KALRN: variants seen among roughly 807,000 people sequenced by gnomAD.
KALRN encodes the protein kalirin RhoGEF kinase, also known as kalirin.
KALRN carries 70 observed loss-of-function variants against 353.7 expected under a neutral mutation model. That is an observed-to-expected ratio of 0.20 (90% CI 0.16 to 0.24). The LOEUF is 0.24. KALRN is among the 10% of genes least tolerant of loss of function. KALRN has a pLI of 1.00. For missense variants in KALRN, 2,791 were observed against 3,756.7 expected (o/e 0.74, Z 6.72); for synonymous variants, 1,391 against 1,434.8 (o/e 0.97, Z 0.69).
chr3:124,468,350 G>C (rs4678117), intron 25 of KALRN, among the ~76,000 whole-genome samples: 11 of 151,812 alleles, frequency 7.2e-5, no homozygotes, highest in Admixed American at 2.0e-4. Flanking sequence ...ACAAGGGGGG[G>C]GTTGATCCAT....
intron 45 of KALRN, among the ~76,000 whole-genome samples, chr3:124,666,247 G>A (rs140022839): frequency 2.3e-4 from 35 of 152,304 alleles, no homozygotes; most frequent in Non-Finnish European, 3.4e-4. Context: ...TCCCTCCAGG[G>A]CCCTTGTGTG....
At position 124,446,770 on chromosome 3, in the gene KALRN, A is replaced by C; in HGVS notation, c.3437A>C (p.Asp1146Ala). The change falls in exon 21 of 60, where the codon GAC (aspartate) becomes GCC (alanine). Residue 1146 changes from aspartate to alanine, a missense_variant. By Grantham distance (126) the Asp-to-Ala change is moderately radical (BLOSUM62 -2). Around this residue, in one of 11 missense-constraint regions of KALRN, gnomAD observed 268 missense variants for 347.0 expected, o/e 0.77. Transcript: ENST00000682506. ...AGTTGTTTCCTCCCATAGGCGCTTG[A>C]CTGGATCCAAGAAACAGGTGAATTT... ...VFERSAKQALDWIQETGEFYL... is the reference protein window; with the variant it reads ...VFERSAKQALAWIQETGEFYL... 6.2e-7 allele frequency: 1 copy of C among 1,614,002 alleles called. No individual in the cohort carries two copies. Among genetic ancestry groups the C allele is most frequent in the Non-Finnish European group, 8.5e-7 (1 of 1,179,964 alleles).
intron 33 of KALRN, among the ~76,000 whole-genome samples, chr3:124,541,498 C>T (rs905728491): frequency 4.0e-5 from 6 of 151,790 alleles, no homozygotes; most frequent in African/African-American, 1.5e-4. Context: ...ATTCTTGGAC[C>T]TTTATAACCA....
At chr3:124,134,092 A>G (rs1407665236) in intron 1 of KALRN, among the ~76,000 whole-genome samples, 1 of 152,210 alleles carries the variant, frequency 6.6e-6, no homozygotes, top group Non-Finnish European at 1.5e-5. Flanking sequence ...AAGCAAAAAG[A>G]TTAAATCTGG....
chr3:124,444,315 G>A (rs6798951), intron 19 of KALRN, among the ~76,000 whole-genome samples: 23,079 of 152,220 alleles, frequency 0.15, 2,351 homozygotes, highest in East Asian at 0.51. Context: ...GGTACAAGGA[G>A]CAAAGTCAAG....
At chr3:124,717,416 G>A (rs1169599474) in intron 59 of KALRN, 31 bp downstream of exon 59, 31 of 1,540,428 alleles carry the variant, frequency 2.0e-5, no homozygotes, top group African/African-American at 2.7e-5. Context: ...GCTGGGCGCA[G>A]TGGCTCACGC....
chr3:124,462,093 T>C, intron 24 of KALRN, 137 bp downstream of exon 24: 1 of 672,936 alleles, frequency 1.5e-6, no homozygotes, highest in Non-Finnish European at 2.6e-6. Flanking sequence ...AGAGGAAATC[T>C]TTCTCCTAAA....
At chr3:124,186,147 A>G (rs1371641244) in intron 1 of KALRN, among the ~76,000 whole-genome samples, 1 of 152,192 alleles carries the variant, frequency 6.6e-6, no homozygotes, top group African/African-American at 2.4e-5. Context: ...CTTGAGGGAA[A>G]GTTGGTAGAG....
chr3:124,040,694 G>A (rs1476366760), intron 1 of KALRN, among the ~76,000 whole-genome samples: 2 of 152,150 alleles, frequency 1.3e-5, no homozygotes, highest in Non-Finnish European at 2.9e-5. Context: ...CTGCAAAATG[G>A]GACTGATAAA....
At chr3:124,465,210 A>T (rs2060216378) in intron 25 of KALRN, among the ~76,000 whole-genome samples, 1 of 152,032 alleles carries the variant, frequency 6.6e-6, no homozygotes, top group Admixed American at 6.6e-5. Flanking sequence ...TAATGAAGAA[A>T]ACATAACACC....
intron 1 of KALRN, among the ~76,000 whole-genome samples, chr3:124,128,150 A>G (rs1462255567): frequency 6.6e-6 from 1 of 151,882 alleles, no homozygotes; most frequent in African/African-American, 2.4e-5. Flanking sequence ...ACTAAGGCCA[A>G]CTCCCCACCC....
chr3:124,179,867 G>T (rs1034045171), intron 1 of KALRN, among the ~76,000 whole-genome samples: 36 of 152,304 alleles, frequency 2.4e-4, no homozygotes, highest in African/African-American at 8.7e-4. Context: ...TTATTGTACT[G>T]TACTCACCTA....
chr3:124,697,369 T>C (rs2062103542), intron 54 of KALRN, among the ~76,000 whole-genome samples: 1 of 152,214 alleles, frequency 6.6e-6, no homozygotes, highest in Admixed American at 6.5e-5. Context: ...CTGGCCAAGC[T>C]TTATCTTCAG....
intron 38 of KALRN, among the ~76,000 whole-genome samples, chr3:124,652,950 AG>A (rs2083583882): frequency 6.6e-6 from 1 of 152,174 alleles, no homozygotes; most frequent in African/African-American, 2.4e-5. Flanking sequence ...CAGATTCAAC[AG>A]GCCACAAAAG....
At chr3:124,621,585 G>A (rs11707390) in intron 34 of KALRN, among the ~76,000 whole-genome samples, 13,474 of 152,256 alleles carry the variant, frequency 0.088, 734 homozygotes, top group South Asian at 0.12. Flanking sequence ...AATTGCAAGG[G>A]CAACAAGTTT....
intron 13 of KALRN, among the ~76,000 whole-genome samples, chr3:124,412,438 G>A (rs1456289735): frequency 6.6e-6 from 1 of 152,218 alleles, no homozygotes; most frequent in African/African-American, 2.4e-5. Flanking sequence ...TCGCCTTCAA[G>A]GGGTGTCATC....
At chr3:124,570,034 T>C (rs2073342927) in intron 34 of KALRN, among the ~76,000 whole-genome samples, 1 of 152,236 alleles carries the variant, frequency 6.6e-6, no homozygotes, top group Non-Finnish European at 1.5e-5. Flanking sequence ...GGAAGTCCCC[T>C]GCACTTTCTG....
intron 1 of KALRN, among the ~76,000 whole-genome samples, chr3:124,209,802 A>T (rs1452971915): frequency 6.6e-6 from 1 of 152,248 alleles, no homozygotes; most frequent in Non-Finnish European, 1.5e-5. Flanking sequence ...TGGGCAAATC[A>T]CATCATCCCT....
intron 34 of KALRN, among the ~76,000 whole-genome samples, chr3:124,610,219 A>G (rs2077782827): frequency 6.6e-6 from 1 of 152,238 alleles, no homozygotes; most frequent in South Asian, 2.1e-4. Flanking sequence ...AATATAGTAC[A>G]TTAATATTAA....
Sources: gnomAD v4.1 joint callset for allele counts (sites outside exome capture counted in the v4.1 genomes callset) on GRCh38, gnomAD v4.1.1 for gene constraint, gnomAD v4.1.1 regional missense constraint, MANE v1.5 for transcripts, NCBI Gene and HGNC (gene_info 2026-07-23, HGNC 2026-07-21) for gene names.